DIDO1: variants seen among roughly 807,000 people sequenced by gnomAD.
DIDO1 encodes death inducer-obliterator 1.
In DIDO1, 16 loss-of-function variants were observed where a neutral mutation model predicts 99.4. The observed-to-expected ratio is 0.16, with a 90% CI of 0.11 to 0.24. The LOEUF is 0.24. DIDO1 is among the 10% of genes least tolerant of loss of function. The probability of loss-of-function intolerance (pLI) is 1.00; values close to 1 mark genes in which losing one functional copy is unlikely to be tolerated. For synonymous variants in DIDO1, 1,366 were observed against 1,239.1 expected, an observed-to-expected ratio of 1.10 and a Z score of -2.15; for missense variants, 2,996 against 3,014.0, an observed-to-expected ratio of 0.99 and a Z score of 0.14.
rs2064159762 is a variant in DIDO1, at chr20:62,879,530, G to A, written c.6426C>T (p.Asp2142=). Residue 2142 remains aspartate, a synonymous_variant, in exon 16 of 16, where the codon GAC becomes GAT. Coordinates refer to ENST00000395343, the MANE Select transcript of DIDO1 (RefSeq NM_001193369.2). This position sits in a 1 kb window ranked among gnomAD's most constrained non-coding sequence, Gnocchi z 6.3. ...GGTTTCTGTCCCAGTCCCGGCTGGAGTCCTTGTCCCGGTGTCGGTCCCACT... is the reference window on the plus strand; with the variant it reads ...GGTTTCTGTCCCAGTCCCGGCTGGAATCCTTGTCCCGGTGTCGGTCCCACT... ...PREWDRHRDK[D]SSRDWDRNRE... The A allele has an allele frequency of 3.1e-6, 5 of 1,599,822 alleles. No individual in the cohort carries two copies. The South Asian group carries it at 3.3e-5, about 11-fold the overall frequency.
chr20:62,934,306 T>C (rs550752460), intron 1 of DIDO1, among the ~76,000 whole-genome samples: 266 of 152,250 alleles, frequency 1.7e-3, no homozygotes, highest in Non-Finnish European at 3.1e-3. Context: ...TGTAGTTGCC[T>C]TTATCTCTGC....
upstream of DIDO1, among the ~76,000 whole-genome samples, chr20:62,927,005 G>A (rs763883792): frequency 3.9e-5 from 6 of 152,230 alleles, no homozygotes; most frequent in Non-Finnish European, 7.3e-5. Flanking sequence ...GCTGGGAATG[G>A]CAGCGAGGGG....
At chr20:62,935,218 C>T (rs1370138260) in intron 1 of DIDO1, among the ~76,000 whole-genome samples, 2 of 152,178 alleles carry the variant, frequency 1.3e-5, no homozygotes, top group African/African-American at 2.4e-5. Flanking sequence ...TTGTCAGTCA[C>T]CAAGGACTGC....
Position 62,895,050 on chromosome 20 carries a change from G to C in DIDO1, c.2330C>G (p.Ser777Cys), listed in dbSNP as rs1194665198. The C allele has an allele frequency of 1.2e-6, 2 of 1,605,260 alleles. No individual in the cohort carries two copies. Among genetic ancestry groups the C allele is most frequent in the Admixed American group, 1.7e-5 (1 of 59,918 alleles). Residue 777 changes from serine (S) to cysteine (C), a missense_variant and splice_region_variant, in exon 9 of 16, where the codon TCT (serine) becomes TGT (cysteine). Physicochemically the swap from Ser to Cys is moderately radical, Grantham distance 112. Around this residue, in one of 5 missense-constraint regions of DIDO1, gnomAD observed 898 missense variants for 972.7 expected, o/e 0.92. Transcript: ENST00000395343. ...LSTWKERPAR[S>C]VMESRTKLHN... ...CCGCAGGTACCCCTCAGCACTCACA[G>C]ATCTCGCTGGCCTCTCTTTCCACGT... is the stretch of plus-strand genomic sequence containing the variant.
At position 62,881,180 on chromosome 20, in the gene DIDO1, C is replaced by T. The variant is rs757833299; in HGVS notation, c.4776G>A (p.Glu1592=). 3.7e-6 allele frequency: 6 copies of T among 1,608,300 alleles called. No individual in the cohort carries two copies. Among genetic ancestry groups the T allele is most frequent in the Non-Finnish European group, 4.2e-6 (5 of 1,179,450 alleles). The part of the protein sequence containing the change: ...SARGAQGALP[E]RDASRGGLVG... ...CGAGGCCACCCCTGGAAGCATCTCT[C>T]TCGGGCAGGGCACCCTGGGCACCAC... Residue 1592 remains glutamate (E), a synonymous_variant, in exon 16 of 16, where the codon GAG becomes GAA. Coordinates refer to ENST00000395343, the MANE Select transcript of DIDO1 (RefSeq NM_001193369.2). The surrounding 1 kb of genome is among the most constrained non-coding windows in gnomAD (Gnocchi z 8.3).
intron 14 of DIDO1, among the ~76,000 whole-genome samples, 187 bp downstream of exon 14, chr20:62,891,800 G>C (rs1484023811): frequency 6.6e-6 from 1 of 151,154 alleles, no homozygotes; most frequent in African/African-American, 2.4e-5. Context: ...ATGTCTCCCA[G>C]GCTGGAGTGC....
chr20:62,878,919 C>CG lies in DIDO1; in HGVS notation c.*313_*314insC. On this transcript the variant is annotated 3_prime_UTR_variant, in exon 16 of 16. Transcript: ENST00000395343. ...GTCAGTGAAGGTATGGCTCTAGGGT[C>CG]CAACGAAACTCCCTTAAAATTTACA... 2 of 246,880 alleles carry CG rather than the reference C, an allele frequency of 8.1e-6. No individual in the cohort carries two copies. Among genetic ancestry groups the CG allele is most frequent in the Non-Finnish European group, 1.5e-5 (2 of 130,864 alleles). The allele number at this position is 246,880 out of a possible 1,614,324, so 15.3% of individuals were successfully genotyped here. A position where few individuals can be genotyped will look rare whatever the true frequency, so the allele number is the denominator to read the frequency against.
chr20:62,917,490 C>T (rs1413770241), intron 1 of DIDO1, among the ~76,000 whole-genome samples: 2 of 152,158 alleles, frequency 1.3e-5, no homozygotes, highest in South Asian at 2.1e-4. Context: ...AGACATCACT[C>T]GTTTTGGACA....
intron 15 of DIDO1, 22 bp from the exon 16 acceptor site, chr20:62,882,436 C>T (rs762937097): frequency 6.3e-7 from 1 of 1,587,148 alleles, no homozygotes; most frequent in East Asian, 2.2e-5. Flanking sequence ...AATATTTGTG[C>T]AAATTTTAGA....
At position 62,881,982 on chromosome 20, in the gene DIDO1, T is replaced by G; in HGVS notation, c.3974A>C (p.Lys1325Thr). 2 of 1,613,494 alleles carry G rather than the reference T, an allele frequency of 1.2e-6. No individual in the cohort carries two copies. Among genetic ancestry groups the G allele is most frequent in the Non-Finnish European group, 1.7e-6 (2 of 1,180,030 alleles). ...EHILQTLFGK[K>T]KSFDPSAREP... is the part of the protein sequence containing the mutation. ...TCTGGCGGACGGGTCGAATGATTTC[T>G]TCTTTCCAAAGAGAGTCTGCAGGAT... Residue 1325 changes from lysine to threonine, a missense_variant, in exon 16 of 16, where the codon AAG becomes ACG. Lys to Thr is a moderately conservative substitution (Grantham distance 78). Around this residue, in one of 5 missense-constraint regions of DIDO1, gnomAD observed 1,562 missense variants for 1,412.6 expected, o/e 1.11. Coordinates refer to ENST00000395343, the MANE Select transcript of DIDO1 (RefSeq NM_001193369.2). The surrounding 1 kb of genome is among the most constrained non-coding windows in gnomAD (Gnocchi z 8.3).
Position 62,910,960 on chromosome 20 carries a change from T to G in DIDO1, c.653A>C (p.Glu218Ala). The change falls in exon 3 of 16, where the codon GAG becomes GCG. Residue 218 changes from glutamate to alanine, a missense_variant. Glu to Ala is a moderately radical substitution (Grantham distance 107). Transcript: ENST00000395343. ...CACAACCCCCTGATCGTTCTCGGGC[T>G]CCTGCTTACTGGGCAGGACGCCCTC... ...TVEGVLPSKQ[E>A]PENDQGVVSQ... The G allele has an allele frequency of 6.2e-7, 1 of 1,614,144 alleles. No homozygotes were observed. The highest frequency in any genetic ancestry group is 1.1e-5 in the South Asian group (1 of 91,072).
At chr20:62,925,062 G>A (rs1007491905) in intron 1 of DIDO1, among the ~76,000 whole-genome samples, 2 of 152,136 alleles carry the variant, frequency 1.3e-5, no homozygotes, top group Admixed American at 1.3e-4. Flanking sequence ...ACACTTCTGA[G>A]ATGTCTATGC....
At chr20:62,931,165 T>G (rs2065328745), upstream of DIDO1, among the ~76,000 whole-genome samples, 1 of 152,170 alleles carries the variant, frequency 6.6e-6, no homozygotes, top group Non-Finnish European at 1.5e-5. Flanking sequence ...GGTCTCGAAC[T>G]CCAGGGATCC....
chr20:62,890,477 A>G, intron 15 of DIDO1: 1 of 992,840 alleles, frequency 1.0e-6, no homozygotes, highest in Non-Finnish European at 1.2e-6. Context: ...TGAGCTGCAG[A>G]TTTTAAAATA....
intron 6 of DIDO1, among the ~76,000 whole-genome samples, chr20:62,904,780 C>CAAAAAAAAAA (rs58039393): frequency 0.013 from 806 of 62,570 alleles, 69 homozygotes; most frequent in Non-Finnish European, 0.02. Flanking sequence ...ACTCTTGTCT[C>CAAAAAAAAAA]AAAAAAAAAA....
intron 1 of DIDO1, among the ~76,000 whole-genome samples, chr20:62,922,109 T>TATAC (rs375077898): frequency 9.9e-5 from 11 of 110,586 alleles, no homozygotes; most frequent in South Asian, 3.0e-4. Context: ...ACTATATATA[T>TATAC]ACACACACAC....
intron 1 of DIDO1, among the ~76,000 whole-genome samples, chr20:62,921,989 AATATATATACACTAT>A (rs1237878150): frequency 1.3e-5 from 2 of 150,372 alleles, no homozygotes; most frequent in Admixed American, 6.7e-5. Context: ...ATATGTCCAC[AATATATATACACTAT>A]ATATATATCC....
At position 62,894,670 on chromosome 20, in the gene DIDO1, C is replaced by A. The variant is rs539917844; in HGVS notation, c.2437-122G>T. ...CCCACGGGGGAGAAAAAAGGACCATCTAATACAAGGACTGAGGAATGCCAC... is the reference window on the plus strand; with the variant it reads ...CCCACGGGGGAGAAAAAAGGACCATATAATACAAGGACTGAGGAATGCCAC... On this transcript the variant is annotated intron_variant, in intron 10 of 15. Transcript: ENST00000395343. The surrounding 1 kb of genome is among the most constrained non-coding windows in gnomAD (Gnocchi z 4.4). The A allele has an allele frequency of 1.4e-6, 2 of 1,438,472 alleles. No homozygotes were observed. The highest frequency in any genetic ancestry group is 1.4e-5 in the African/African-American group (1 of 70,256). 89.1% of individuals were successfully genotyped at this position (1,438,472 alleles called of 1,614,324 possible).
rs1568824686 is a variant in DIDO1 at position 62,881,305 on chromosome 20, CGGG to C, written c.4648_4650del (p.Pro1550del). 6.2e-7 allele frequency: 1 copy of C among 1,604,730 alleles called. No individual in the cohort carries two copies. The highest frequency in any genetic ancestry group is 8.5e-7 in the Non-Finnish European group (1 of 1,179,850). ...TCCCTGTGGTTTGACGCCTGGCTGG[CGGG>C]GGGCAGTGAGGCGGGCTTGTCTGCA... is the stretch of plus-strand genomic sequence containing the variant. On this transcript the variant is annotated inframe_deletion, in exon 16 of 16. Coordinates refer to ENST00000395343, the MANE Select transcript of DIDO1 (RefSeq NM_001193369.2). The surrounding 1 kb of genome is among the most constrained non-coding windows in gnomAD (Gnocchi z 8.3).
Sources: allele counts gnomAD v4.1 joint callset (sites outside exome capture counted in the v4.1 genomes callset), GRCh38; gene constraint gnomAD v4.1.1; regional missense constraint gnomAD v4.1.1; non-coding constraint Gnocchi (gnomAD v3.1); transcripts MANE v1.5; gene names NCBI Gene and HGNC (gene_info 2026-07-23, HGNC 2026-07-21).